Variants in MTSS1 observed in about 807,000 individuals in gnomAD.
MTSS1 encodes the protein MTSS I-BAR domain containing 1, also known as protein MTSS 1.
In MTSS1, 18 loss-of-function variants were observed where a neutral mutation model predicts 79.0. That is an observed-to-expected ratio of 0.23 (90% confidence interval 0.16 to 0.34). The LOEUF (loss-of-function observed/expected upper bound fraction) is 0.34. Among genes scored for constraint, MTSS1 ranks in the 10% least tolerant of loss-of-function variants. The pLI, the probability that MTSS1 is intolerant of heterozygous loss-of-function variation, is 1.00. For missense variants in MTSS1, 815 were observed against 986.2 expected, an observed-to-expected ratio of 0.83 and a Z score of 2.33; for synonymous variants, 341 against 368.6, an observed-to-expected ratio of 0.93 and a Z score of 0.86.
In MTSS1 at chr8:124,587,756, C is replaced by T. The variant is rs997413317; in HGVS notation, c.385+1864G>A. Among the ~76,000 whole-genome samples, 28 of 152,282 alleles carry T rather than the reference C, an allele frequency of 1.8e-4. No individual in the cohort carries two copies. In the East Asian group the frequency reaches 2.5e-3, roughly 14 times the overall value. On this transcript the variant is annotated intron_variant, in intron 5 of 13. Coordinates refer to ENST00000518547, the MANE Select transcript of MTSS1 (RefSeq NM_014751.6). ...CTGACCTCAAGTGATCCACCCGCCT[C>T]GGCCTCCCAAAATGCTGGGATTACA... is the stretch of plus-strand genomic sequence containing the variant.
At chr8:124,593,108 G>A (rs903746887) in intron 3 of MTSS1, among the ~76,000 whole-genome samples, 1 of 152,230 alleles carries the variant, frequency 6.6e-6, no homozygotes, top group Admixed American at 6.5e-5. Context: ...ACACCAGGGA[G>A]AGCCAGCAGA....
intron 3 of MTSS1, among the ~76,000 whole-genome samples, chr8:124,628,643 C>A (rs2133752466): frequency 6.6e-6 from 1 of 151,376 alleles, no homozygotes; most frequent in Admixed American, 6.6e-5. Context: ...TCGATGACAG[C>A]AATTTCCCTA....
intron 6 of MTSS1, among the ~76,000 whole-genome samples, chr8:124,572,996 C>T (rs1828172965): frequency 6.6e-6 from 1 of 152,314 alleles, no homozygotes; most frequent in African/African-American, 2.4e-5. Context: ...ATCCACCTGC[C>T]TCGGCCTCCC....
At chr8:124,674,640 G>A (rs942977515) in intron 3 of MTSS1, among the ~76,000 whole-genome samples, 6 of 152,198 alleles carry the variant, frequency 3.9e-5, no homozygotes, top group South Asian at 2.1e-4. Context: ...CACCACGCCC[G>A]GCCAGATTAC....
intron 3 of MTSS1, among the ~76,000 whole-genome samples, chr8:124,646,025 T>C (rs1170884893): frequency 2.0e-5 from 3 of 152,210 alleles, no homozygotes; most frequent in Non-Finnish European, 4.4e-5. Flanking sequence ...GTATGTAAAA[T>C]AAAACACACT....
intron 3 of MTSS1, among the ~76,000 whole-genome samples, chr8:124,696,348 T>C (rs1428636242): frequency 1.3e-5 from 2 of 152,148 alleles, no homozygotes; most frequent in East Asian, 1.9e-4. Context: ...TAAGTAAAAA[T>C]TAATAAAAGT....
intron 1 of MTSS1, among the ~76,000 whole-genome samples, chr8:124,719,747 A>C (rs1213032703): frequency 6.6e-6 from 1 of 152,232 alleles, no homozygotes; most frequent in Non-Finnish European, 1.5e-5. Flanking sequence ...GAAACATCTG[A>C]GTGCCACTAT....
At chr8:124,622,525 T>C (rs1346012498) in intron 3 of MTSS1, among the ~76,000 whole-genome samples, 2 of 147,794 alleles carry the variant, frequency 1.4e-5, no homozygotes, top group Non-Finnish European at 3.0e-5. Context: ...CTGGGTGCAG[T>C]GGCTCATTCC....
chr8:124,654,648 T>C (rs1381910347), intron 3 of MTSS1, among the ~76,000 whole-genome samples: 1 of 152,178 alleles, frequency 6.6e-6, no homozygotes, highest in East Asian at 1.9e-4. Context: ...CCAGCGTAAT[T>C]GCTACTAGAA....
At chr8:124,673,658 G>T (rs1416512040) in intron 3 of MTSS1, 1 of 150,644 alleles carries the variant, frequency 6.6e-6, no homozygotes, top group African/African-American at 2.4e-5. Context: ...TACAAGAAGA[G>T]AAGGAGACCC....
intron 3 of MTSS1, among the ~76,000 whole-genome samples, chr8:124,609,636 T>C (rs1835443417): frequency 6.6e-6 from 1 of 152,214 alleles, no homozygotes; most frequent in Non-Finnish European, 1.5e-5. Flanking sequence ...GGGGACCAAG[T>C]GCATTCTCAC....
chr8:124,717,767 C>G (rs940758267), intron 1 of MTSS1, among the ~76,000 whole-genome samples: 3 of 152,020 alleles, frequency 2.0e-5, no homozygotes, highest in Non-Finnish European at 4.4e-5. Context: ...GCACATAATC[C>G]TACTATACAA....
intron 10 of MTSS1, among the ~76,000 whole-genome samples, chr8:124,561,370 A>G (rs1825267378): frequency 6.6e-6 from 1 of 152,206 alleles, no homozygotes; most frequent in Non-Finnish European, 1.5e-5. Context: ...GTGAGCCAAC[A>G]TTGCACCACT....
intron 1 of MTSS1, among the ~76,000 whole-genome samples, chr8:124,710,030 G>A (rs1437388287): frequency 1.3e-5 from 2 of 152,236 alleles, no homozygotes; most frequent in African/African-American, 4.8e-5. Flanking sequence ...AATGAAGGGA[G>A]GAAGGAAAAG....
chr8:124,647,833 A>C (rs751527959), intron 3 of MTSS1, among the ~76,000 whole-genome samples: 1 of 152,058 alleles, frequency 6.6e-6, no homozygotes, highest in Non-Finnish European at 1.5e-5. Context: ...AAAATCCAGA[A>C]CTCTCTAAAA....
chr8:124,715,777 C>T (rs564591490), intron 1 of MTSS1, among the ~76,000 whole-genome samples: 1 of 152,264 alleles, frequency 6.6e-6, no homozygotes, highest in Non-Finnish European at 1.5e-5. Context: ...CCTGAAAAGC[C>T]TTGTGTGGCC....
intron 3 of MTSS1, among the ~76,000 whole-genome samples, chr8:124,591,702 C>T (rs1019666734): frequency 1.1e-4 from 17 of 152,160 alleles, no homozygotes; most frequent in Admixed American, 1.0e-3. Flanking sequence ...AAGGCAGCCA[C>T]GCTAGCTAAT....
At chr8:124,586,552 G>A (rs1337921554) in intron 5 of MTSS1, among the ~76,000 whole-genome samples, 1 of 152,156 alleles carries the variant, frequency 6.6e-6, no homozygotes, top group African/African-American at 2.4e-5. Context: ...GCTCCCCAGG[G>A]GACGCAGCAG....
chr8:124,559,370 T>C (rs1162665332), intron 10 of MTSS1, among the ~76,000 whole-genome samples: 2 of 152,176 alleles, frequency 1.3e-5, no homozygotes, highest in Non-Finnish European at 2.9e-5. Context: ...AAATGCAGCC[T>C]GTGGATCCAT....
Sources: gnomAD v4.1 joint callset for allele counts (sites outside exome capture counted in the v4.1 genomes callset) on GRCh38, gnomAD v4.1.1 for gene constraint, MANE v1.5 for transcripts, NCBI Gene and HGNC (gene_info 2026-07-23, HGNC 2026-07-21) for gene names.